The following RALGPS2 variants were observed in gnomAD, a reference collection of about 807,000 sequenced individuals.
The protein encoded by RALGPS2 is ras-specific guanine nucleotide-releasing factor RalGPS2.
In RALGPS2, 43 loss-of-function variants were observed where a neutral mutation model predicts 86.8. The observed-to-expected ratio is 0.50, with a 90% CI of 0.39 to 0.64. RALGPS2 has a LOEUF of 0.64. Ranked by LOEUF, RALGPS2 falls within the 30% of genes least tolerant of loss-of-function variation. The probability of loss-of-function intolerance (pLI) is 0.00; values close to 1 mark genes in which losing one functional copy is unlikely to be tolerated. For missense variants in RALGPS2, 536 were observed against 694.6 expected (o/e 0.77, Z 2.57); for synonymous variants, 243 against 231.3 (o/e 1.05, Z -0.46).
chr1:178,833,350 C>A, intron 7 of RALGPS2, 74 bp from the exon 8 acceptor site: 1 of 1,314,464 alleles, frequency 7.6e-7, no homozygotes. Flanking sequence ...ACAGTAAATA[C>A]AACTTCAGTT....
At chr1:178,763,910 C>A (rs137957360) in intron 1 of RALGPS2, among the ~76,000 whole-genome samples, 558 of 151,118 alleles carry the variant, frequency 3.7e-3, no homozygotes, top group African/African-American at 0.011. Flanking sequence ...TGTTTTATGT[C>A]CGATTGTGGG....
rs1209350719 is a variant in RALGPS2, at chr1:178,902,114, A to G, written c.1533A>G (p.Ser511=). The G allele has an allele frequency of 6.2e-7, 1 of 1,611,088 alleles. No individual in the cohort carries two copies. Among genetic ancestry groups the G allele is most frequent in the Non-Finnish European group, 8.5e-7 (1 of 1,177,824 alleles). The change falls in exon 18 of 20, where the codon TCA becomes TCG. Residue 511 remains serine, a synonymous_variant. Coordinates refer to ENST00000367635, the MANE Select transcript of RALGPS2 (RefSeq NM_152663.5). The stretch of plus-strand genomic sequence containing the variant: ...ATCTTTTTTTCTCTCAGTTCAAATC[A>G]ACATCCAATAAGAACGTATCTGTGA... The part of the protein sequence containing the change: ...LKATERKHFK[S]TSNKNVSVIG...
rs564849656 is a variant in RALGPS2 at position 178,765,173 on chromosome 1, T to A, written c.-83-11509T>A. On this transcript the variant is annotated intron_variant, in intron 1 of 19. Coordinates refer to ENST00000367635, the MANE Select transcript of RALGPS2 (RefSeq NM_152663.5). ...CTCAGGTATGTCTTTTTTTTTTTTT[T>A]ATACAGAGTCTTGCTCTGTCGCCCA... is the stretch of plus-strand genomic sequence containing the variant. Among the ~76,000 whole-genome samples the A allele has an allele frequency of 2.5e-3, 386 of 151,806 alleles. 1 individual carries two copies. The highest frequency in any genetic ancestry group is 8.7e-3 in the African/African-American group (361 of 41,392).
intron 8 of RALGPS2, among the ~76,000 whole-genome samples, chr1:178,835,396 T>C (rs1016454208): frequency 7.4e-5 from 11 of 147,984 alleles, no homozygotes; most frequent in Non-Finnish European, 1.5e-4. Flanking sequence ...TCTTTTCTTT[T>C]TTTTTTTTTT....
chr1:178,729,178 G>A (rs1470762724), intron 1 of RALGPS2, among the ~76,000 whole-genome samples: 1 of 151,836 alleles, frequency 6.6e-6, no homozygotes, highest in African/African-American at 2.4e-5. Context: ...ATTTTCTTTA[G>A]TTTGATTTCC....
In RALGPS2 at chr1:178,921,181, A is replaced by G. The variant is rs1464557870; in HGVS notation, c.*4822A>G. 2.0e-5 allele frequency: 3 copies of G among 151,980 alleles called. No individual in the cohort carries two copies. Among genetic ancestry groups the G allele is most frequent in the Non-Finnish European group, 4.4e-5 (3 of 67,906 alleles). 9.4% of individuals were successfully genotyped at this position (151,980 alleles called of 1,614,324 possible). A position where few individuals can be genotyped will look rare whatever the true frequency, so the allele number is the denominator to read the frequency against. On this transcript the variant is annotated 3_prime_UTR_variant, in exon 20 of 20. Coordinates refer to ENST00000367635, the MANE Select transcript of RALGPS2 (RefSeq NM_152663.5). ...AACTGGTCCTTGAGGAGTGTTAGCA[A>G]AATTTAAATTTTGACCCTGGCCATT... is the stretch of plus-strand genomic sequence containing the variant.
At chr1:178,886,330 T>C (rs1282372060) in intron 13 of RALGPS2, among the ~76,000 whole-genome samples, 1 of 152,116 alleles carries the variant, frequency 6.6e-6, no homozygotes, top group African/African-American at 2.4e-5. Flanking sequence ...TTGAAGAAGG[T>C]GGAAAAAGAA....
intron 1 of RALGPS2, among the ~76,000 whole-genome samples, chr1:178,775,109 C>T (rs568182694): frequency 6.6e-6 from 1 of 152,258 alleles, no homozygotes; most frequent in South Asian, 2.1e-4. Flanking sequence ...ATCATTACAT[C>T]ATAGTAATAG....
chr1:178,759,636 A>G (rs1027278659), intron 1 of RALGPS2, among the ~76,000 whole-genome samples: 4 of 148,690 alleles, frequency 2.7e-5, no homozygotes, highest in African/African-American at 9.9e-5. Context: ...TATTATTGGT[A>G]TGTTGATAGG....
At chr1:178,759,844 T>C (rs1019561249) in intron 1 of RALGPS2, among the ~76,000 whole-genome samples, 3 of 152,146 alleles carry the variant, frequency 2.0e-5, no homozygotes, top group African/African-American at 7.2e-5. Flanking sequence ...TTTTTTGTGG[T>C]TCTTGTAAAT....
intron 15 of RALGPS2, among the ~76,000 whole-genome samples, chr1:178,893,271 A>G (rs1213300324): frequency 2.6e-5 from 4 of 151,704 alleles, no homozygotes; most frequent in South Asian, 4.2e-4. Flanking sequence ...AAGATACATG[A>G]AAAGGAAATC....
chr1:178,828,858 A>G (rs1655881391), intron 7 of RALGPS2, among the ~76,000 whole-genome samples: 1 of 152,196 alleles, frequency 6.6e-6, no homozygotes, highest in African/African-American at 2.4e-5. Context: ...GGAAAACAGT[A>G]TGGAGATTCC....
intron 14 of RALGPS2, among the ~76,000 whole-genome samples, chr1:178,890,960 C>CT (rs1409549234): frequency 1.3e-5 from 2 of 151,936 alleles, no homozygotes; most frequent in African/African-American, 4.8e-5. Context: ...CTAGAAAGAA[C>CT]GTAAAACCAT....
intron 13 of RALGPS2, among the ~76,000 whole-genome samples, chr1:178,887,102 C>T (rs573165106): frequency 6.6e-6 from 1 of 152,202 alleles, no homozygotes; most frequent in East Asian, 1.9e-4. Flanking sequence ...TTTTTACTTC[C>T]TAAACTTTTA....
chr1:178,796,936 T>G (rs1654220787), intron 4 of RALGPS2, among the ~76,000 whole-genome samples: 1 of 152,210 alleles, frequency 6.6e-6, no homozygotes, highest in African/African-American at 2.4e-5. Context: ...ATTTACTATT[T>G]GAAGATTTCT....
chr1:178,851,270 A>G (rs1161266092), intron 8 of RALGPS2: 4 of 1,613,822 alleles, frequency 2.5e-6, no homozygotes, highest in Non-Finnish European at 3.4e-6. Flanking sequence ...TAGAATGTGC[A>G]CAGGCATTGT....
intron 1 of RALGPS2, among the ~76,000 whole-genome samples, chr1:178,737,781 AT>A (rs372222618): frequency 6.6e-6 from 1 of 151,766 alleles, no homozygotes; most frequent in Admixed American, 6.6e-5. Flanking sequence ...GACATTAATG[AT>A]TTTTTTTCCT....
rs1431177395 is a variant in RALGPS2, at chr1:178,918,200, T to C, written c.*1841T>C. The C allele has an allele frequency of 1.3e-5, 2 of 152,168 alleles. No individual in the cohort carries two copies. Among genetic ancestry groups the C allele is most frequent in the African/African-American group, 2.4e-5 (1 of 41,476 alleles). The allele number at this position is 152,168 out of a possible 1,614,324, so 9.4% of individuals were successfully genotyped here. On this transcript the variant is annotated 3_prime_UTR_variant, in exon 20 of 20. Coordinates refer to ENST00000367635, the MANE Select transcript of RALGPS2 (RefSeq NM_152663.5). ...TTCCTGTCCTGAATGATTTTTCAAT[T>C]AATGCTCTAAGCTTAACCCATGTTG...
At chr1:178,828,155 A>G (rs920475481) in intron 7 of RALGPS2, among the ~76,000 whole-genome samples, 1 of 152,202 alleles carries the variant, frequency 6.6e-6, no homozygotes, top group African/African-American at 2.4e-5. Context: ...ACAGCAAAGG[A>G]GACAGTCTAT....
Sources: gnomAD v4.1 joint callset for allele counts (sites outside exome capture counted in the v4.1 genomes callset) on GRCh38, gnomAD v4.1.1 for gene constraint, MANE v1.5 for transcripts, NCBI Gene and HGNC (gene_info 2026-07-23, HGNC 2026-07-21) for gene names.